DPP10: variants seen among roughly 807,000 people sequenced by gnomAD.
The protein encoded by DPP10 is dipeptidyl peptidase like 10.
In DPP10, 33 loss-of-function variants were observed where a neutral mutation model predicts 120.9. The observed-to-expected ratio is 0.27, with a 90% CI of 0.21 to 0.37. The LOEUF (loss-of-function observed/expected upper bound fraction) is 0.37, where lower values mean the gene tolerates loss of function less well. Among genes scored for constraint, DPP10 ranks in the 10% least tolerant of loss-of-function variants. The pLI is 1.00. For missense variants in DPP10, 816 were observed against 942.8 expected, an observed-to-expected ratio of 0.87 and a Z score of 1.76; for synonymous variants, 337 against 326.1, an observed-to-expected ratio of 1.03 and a Z score of -0.36.
chr2:114,548,573 CT>C (rs1687613204), intron 1 of DPP10, among the ~76,000 whole-genome samples: 1 of 152,160 alleles, frequency 6.6e-6, no homozygotes, highest in Non-Finnish European at 1.5e-5. Context: ...ATGAGCGAGT[CT>C]TTTCCTGGGC....
intron 11 of DPP10, among the ~76,000 whole-genome samples, chr2:115,760,624 G>C (rs767924709): frequency 2.2e-4 from 34 of 152,194 alleles, no homozygotes; most frequent in South Asian, 4.1e-4. Context: ...AGAATGATGA[G>C]CATAGTCGTG....
chr2:115,696,139 A>C (rs2149516395), intron 7 of DPP10, among the ~76,000 whole-genome samples: 1 of 152,264 alleles, frequency 6.6e-6, no homozygotes, highest in African/African-American at 2.4e-5. Flanking sequence ...GGGGCAACAT[A>C]AGGATTATGG....
chr2:115,825,392 T>C (rs1688209577), intron 21 of DPP10, among the ~76,000 whole-genome samples: 2 of 152,358 alleles, frequency 1.3e-5, no homozygotes, highest in Admixed American at 6.5e-5. Flanking sequence ...TTTTAGTAGC[T>C]TCTTGTAATC....
chr2:115,551,945 C>G (rs2079900696), intron 5 of DPP10, among the ~76,000 whole-genome samples: 1 of 152,098 alleles, frequency 6.6e-6, no homozygotes, highest in African/African-American at 2.4e-5. Context: ...TGTTCTGTGG[C>G]TCTACAATAG....
At chr2:115,624,158 A>T (rs1224712816) in intron 5 of DPP10, among the ~76,000 whole-genome samples, 1 of 152,204 alleles carries the variant, frequency 6.6e-6, no homozygotes, top group Non-Finnish European at 1.5e-5. Context: ...GTTCAAGGAA[A>T]GATGATATAA....
At chr2:114,525,028 C>T (rs1018918063) in intron 1 of DPP10, among the ~76,000 whole-genome samples, 13 of 152,106 alleles carry the variant, frequency 8.5e-5, no homozygotes, top group African/African-American at 2.7e-4. Context: ...TGGCAATGTA[C>T]CCAAAATGTG....
intron 15 of DPP10, among the ~76,000 whole-genome samples, chr2:115,778,128 G>C (rs1381935106): frequency 6.6e-6 from 1 of 152,060 alleles, no homozygotes; most frequent in African/African-American, 2.4e-5. Flanking sequence ...CCACATCAGA[G>C]AGATTTACGT....
At chr2:115,563,568 C>G (rs181227958) in intron 5 of DPP10, among the ~76,000 whole-genome samples, 1 of 152,258 alleles carries the variant, frequency 6.6e-6, no homozygotes, top group East Asian at 1.9e-4. Context: ...GTCTCTACCA[C>G]TTACTGCTTG....
At position 115,372,009 on chromosome 2, in the gene DPP10, A is replaced by T. The variant is rs541340310; in HGVS notation, c.271+28097A>T. ...AGTTCTAACAGGGACTTTATATGCTAATTTTTCTCCTAATGATGGTTTTCT... is the reference window on the plus strand; with the variant it reads ...AGTTCTAACAGGGACTTTATATGCTTATTTTTCTCCTAATGATGGTTTTCT... On this transcript the variant is annotated intron_variant, in intron 3 of 25. Transcript: ENST00000410059. 4.6e-5 allele frequency among the ~76,000 whole-genome samples: 7 copies of T among 152,234 alleles called. No individual in the cohort carries two copies. In the East Asian group the frequency reaches 7.7e-4, roughly 17 times the overall value.
chr2:114,798,440 T>C (rs576285381), intron 1 of DPP10, among the ~76,000 whole-genome samples: 2 of 152,308 alleles, frequency 1.3e-5, no homozygotes, highest in South Asian at 4.2e-4. Context: ...AGAATAAGAA[T>C]TGGACTTGTA....
chr2:115,121,022 CAGTT>C (rs1313579691), intron 1 of DPP10, among the ~76,000 whole-genome samples: 2 of 152,180 alleles, frequency 1.3e-5, no homozygotes. Flanking sequence ...AGGGATTGCT[CAGTT>C]AGATTTCTTA....
chr2:115,187,435 T>C (rs1385922254), intron 1 of DPP10, among the ~76,000 whole-genome samples: 1 of 152,212 alleles, frequency 6.6e-6, no homozygotes, highest in African/African-American at 2.4e-5. Context: ...TGGACATTTT[T>C]CATACATACT....
At chr2:115,612,193 A>T (rs968807731) in intron 5 of DPP10, among the ~76,000 whole-genome samples, 22 of 152,104 alleles carry the variant, frequency 1.4e-4, no homozygotes, top group African/African-American at 4.6e-4. Flanking sequence ...ACTTGACTTG[A>T]TCTATTCTTA....
chr2:114,965,652 C>T (rs762621570), intron 1 of DPP10, among the ~76,000 whole-genome samples: 5 of 151,914 alleles, frequency 3.3e-5, no homozygotes, highest in Non-Finnish European at 5.9e-5. Flanking sequence ...CTACAAATTA[C>T]CTGAGAGGCA....
At position 114,580,363 on chromosome 2, in the gene DPP10, A is replaced by C. The variant is rs920856609; in HGVS notation, c.60+137525A>C. ...AGTGTAATTATCAGGTGATAGTTTC[A>C]ATGAAAAATGCTGGAAAATGAAACT... On this transcript the variant is annotated intron_variant, in intron 1 of 25. Coordinates refer to ENST00000410059, the MANE Select transcript of DPP10 (RefSeq NM_020868.6). 6.6e-5 allele frequency among the ~76,000 whole-genome samples: 10 copies of C among 152,316 alleles called. No individual in the cohort carries two copies. In the East Asian group the frequency reaches 1.7e-3, roughly 26 times the overall value.
intron 7 of DPP10, among the ~76,000 whole-genome samples, chr2:115,704,416 A>G (rs146474245): frequency 9.0e-4 from 137 of 151,978 alleles, no homozygotes; most frequent in Admixed American, 1.8e-3. Flanking sequence ...ATCTTCTACC[A>G]CTAACTGAGG....
chr2:114,887,426 A>T (rs977962492), intron 1 of DPP10, among the ~76,000 whole-genome samples: 6 of 152,226 alleles, frequency 3.9e-5, no homozygotes, highest in Non-Finnish European at 8.8e-5. Flanking sequence ...GTAAATATAG[A>T]TAATTCAGTT....
intron 19 of DPP10, among the ~76,000 whole-genome samples, chr2:115,807,441 A>T (rs1686120072): frequency 6.6e-6 from 1 of 152,170 alleles, no homozygotes; most frequent in Non-Finnish European, 1.5e-5. Flanking sequence ...AACTTGTGTA[A>T]CAATAAGGCT....
intron 1 of DPP10, among the ~76,000 whole-genome samples, chr2:115,114,111 C>T (rs1043600271): frequency 2.6e-5 from 4 of 152,132 alleles, no homozygotes; most frequent in East Asian, 3.9e-4. Context: ...CTCACCAATA[C>T]GAACTTGCCA....
Sources: allele counts gnomAD v4.1 joint callset (sites outside exome capture counted in the v4.1 genomes callset), GRCh38; gene constraint gnomAD v4.1.1; transcripts MANE v1.5; gene names NCBI Gene and HGNC (gene_info 2026-07-23, HGNC 2026-07-21).